PCDH15: variants seen among roughly 807,000 people sequenced by gnomAD.
The protein encoded by PCDH15 is protocadherin-15.
PCDH15 carries 129 observed loss-of-function variants against 178.5 expected under a neutral mutation model. The ratio of observed to expected loss-of-function variants is 0.72; its 90% CI spans 0.63 to 0.84. PCDH15 has a LOEUF of 0.84. Ranked by LOEUF, PCDH15 falls within the 40% of genes least tolerant of loss-of-function variation. The probability of loss-of-function intolerance (pLI) is 0.00; values close to 1 mark genes in which losing one functional copy is unlikely to be tolerated. For synonymous variants in PCDH15, 800 were observed against 732.0 expected (o/e 1.09, Z -1.50); for missense variants, 2,230 against 2,099.9 (o/e 1.06, Z -1.21).
intron 15 of PCDH15, among the ~76,000 whole-genome samples, chr10:54,092,454 C>T (rs1346898404): frequency 6.6e-6 from 1 of 151,962 alleles, no homozygotes; most frequent in East Asian, 1.9e-4. Context: ...CCCACCCTCC[C>T]CATGCCATAC....
chr10:54,201,962 C>G (rs2050277773), intron 10 of PCDH15, among the ~76,000 whole-genome samples: 1 of 152,122 alleles, frequency 6.6e-6, no homozygotes, highest in African/African-American at 2.4e-5. Flanking sequence ...GATTCTATAT[C>G]TATAGGGATG....
chr10:54,762,031 A>G (rs920887612), intron 1 of PCDH15, among the ~76,000 whole-genome samples: 4 of 152,162 alleles, frequency 2.6e-5, no homozygotes, highest in African/African-American at 9.7e-5. Context: ...GGCACTGGAC[A>G]TGGTTAGAGG....
Position 53,813,667 on chromosome 10 carries a change from A to G in PCDH15, c.4492-2048T>C, listed in dbSNP as rs140512994. The stretch of plus-strand genomic sequence containing the variant: ...AAAACACATTATTCGTAACAGTCCC[A>G]AATTGGAAACAATGCAAAAGTCCAT... On this transcript the variant is annotated intron_variant, in intron 35 of 37. Coordinates refer to ENST00000644397, the MANE Select transcript of PCDH15 (RefSeq NM_001384140.1). 1.6e-3 allele frequency among the ~76,000 whole-genome samples: 237 copies of G among 152,354 alleles called. 2 individuals are homozygous for G. Among genetic ancestry groups the G allele is most frequent in the South Asian group, 6.4e-3 (31 of 4,832 alleles).
At chr10:54,861,248 G>T (rs1953837628) in intron 3 of PCDH15, among the ~76,000 whole-genome samples, 6 of 152,026 alleles carry the variant, frequency 3.9e-5, no homozygotes, top group Admixed American at 3.9e-4. Context: ...AAGAAAAAAA[G>T]AAGATTCAAA....
chr10:54,199,602 T>A (rs1037874917), intron 10 of PCDH15, among the ~76,000 whole-genome samples: 2 of 61,098 alleles, frequency 3.3e-5, no homozygotes, highest in East Asian at 4.1e-4. Context: ...AATAATATAC[T>A]TTGCTCGTTA....
intron 3 of PCDH15, among the ~76,000 whole-genome samples, chr10:54,520,979 G>T (rs543341684): frequency 7.6e-4 from 113 of 147,962 alleles, no homozygotes; most frequent in Non-Finnish European, 6.8e-4. Flanking sequence ...AACAAACACC[G>T]CATGTTCTCA....
chr10:54,317,948 G>T (rs1029644398), intron 7 of PCDH15, among the ~76,000 whole-genome samples: 3 of 152,142 alleles, frequency 2.0e-5, no homozygotes, highest in Non-Finnish European at 4.4e-5. Context: ...CAGTAGTTAA[G>T]CTTTTGTATG....
chr10:53,920,189 A>T lies in PCDH15; in HGVS notation c.3374-16819T>A, dbSNP rs1165644943. Reference sequence around the variant, plus strand: ...AATACAAGGGCCTGCTTTCTCATGTATAAACTGTAGACAAACAATAAGATT... The same window carrying T: ...AATACAAGGGCCTGCTTTCTCATGTTTAAACTGTAGACAAACAATAAGATT... On this transcript the variant is annotated intron_variant, in intron 25 of 37. Transcript: ENST00000644397. 3.3e-5 allele frequency among the ~76,000 whole-genome samples: 5 copies of T among 152,292 alleles called. No homozygotes were observed. The South Asian group carries it at 1.0e-3, about 32-fold the overall frequency.
chr10:54,364,560 A>G lies in PCDH15; in HGVS notation c.474+4560T>C, dbSNP rs554739365. Among the ~76,000 whole-genome samples the G allele has an allele frequency of 3.3e-5, 5 of 152,288 alleles. No homozygotes were observed. In the East Asian group the frequency reaches 7.7e-4, roughly 24 times the overall value. ...TAGTTGTTGGATACATCATTTTAAA[A>G]TACATCAGGTCAATTTCGCTGATTT... On this transcript the variant is annotated intron_variant, in intron 5 of 37. Transcript: ENST00000644397.
At chr10:55,052,824 T>C (rs1841200353) in intron 2 of PCDH15, among the ~76,000 whole-genome samples, 1 of 152,184 alleles carries the variant, frequency 6.6e-6, no homozygotes, top group Admixed American at 6.5e-5. Context: ...TATTTAATTA[T>C]AGCAATTTAA....
At chr10:54,526,166 A>G (rs914566533) in intron 3 of PCDH15, among the ~76,000 whole-genome samples, 9 of 152,220 alleles carry the variant, frequency 5.9e-5, no homozygotes, top group Non-Finnish European at 1.2e-4. Flanking sequence ...GCTCCTTTGA[A>G]AAGTAGGATC....
At chr10:55,369,072 G>A (rs1333915178) in intron 2 of PCDH15, among the ~76,000 whole-genome samples, 1 of 147,252 alleles carries the variant, frequency 6.8e-6, no homozygotes, top group Non-Finnish European at 1.5e-5. Flanking sequence ...TAGTCAGAAG[G>A]TCAATTCCTT....
intron 3 of PCDH15, among the ~76,000 whole-genome samples, chr10:54,814,394 A>G (rs1245861518): frequency 6.6e-6 from 1 of 152,202 alleles, no homozygotes; most frequent in Non-Finnish European, 1.5e-5. Context: ...TTAAACGTGT[A>G]TCTAACAGGT....
At chr10:55,287,694 T>C (rs1261113167) in intron 1 of PCDH15, among the ~76,000 whole-genome samples, 2 of 152,018 alleles carry the variant, frequency 1.3e-5, no homozygotes, top group African/African-American at 4.8e-5. Flanking sequence ...TATGTGTGTG[T>C]TTTAATTTTC....
chr10:55,044,205 C>T (rs919945668), intron 2 of PCDH15, among the ~76,000 whole-genome samples: 3 of 152,076 alleles, frequency 2.0e-5, no homozygotes, highest in African/African-American at 2.4e-5. Flanking sequence ...ATACTACCAC[C>T]GTTGCAGAGT....
At chr10:53,972,263 C>T (rs2089769280) in intron 21 of PCDH15, among the ~76,000 whole-genome samples, 2 of 106,130 alleles carry the variant, frequency 1.9e-5, no homozygotes, top group South Asian at 7.2e-4. Context: ...GGATCCCTTC[C>T]TTACACCTTA....
intron 11 of PCDH15, among the ~76,000 whole-genome samples, chr10:54,193,000 A>G (rs1214251894): frequency 6.6e-6 from 1 of 152,178 alleles, no homozygotes; most frequent in Non-Finnish European, 1.5e-5. Flanking sequence ...TACAGCTATT[A>G]CATGACAGAA....
intron 2 of PCDH15, among the ~76,000 whole-genome samples, chr10:55,534,703 C>G (rs1477788884): frequency 1.3e-5 from 2 of 152,034 alleles, no homozygotes; most frequent in East Asian, 3.9e-4. Context: ...ACCCATCAAT[C>G]CCATTACTGA....
chr10:54,285,123 T>G (rs1027197502), intron 8 of PCDH15, among the ~76,000 whole-genome samples: 2 of 152,192 alleles, frequency 1.3e-5, no homozygotes, highest in African/African-American at 4.8e-5. Context: ...TTTCCTGGCC[T>G]TGTTATACTT....
Sources: allele counts gnomAD v4.1 joint callset (sites outside exome capture counted in the v4.1 genomes callset), GRCh38; gene constraint gnomAD v4.1.1; transcripts MANE v1.5; gene names NCBI Gene and HGNC (gene_info 2026-07-23, HGNC 2026-07-21).